Variants in ZPBP observed in about 807,000 individuals in gnomAD.
The protein encoded by ZPBP is zona pellucida binding protein.
In ZPBP, 26 loss-of-function variants were observed where a neutral mutation model predicts 44.8. The observed-to-expected ratio is 0.58, with a 90% CI of 0.43 to 0.81. ZPBP has a LOEUF of 0.81. Ranked by LOEUF, ZPBP falls within the 30% of genes least tolerant of loss-of-function variation. The pLI, the probability that ZPBP is intolerant of heterozygous loss-of-function variation, is 0.00. For missense variants in ZPBP, 409 were observed against 434.0 expected, an observed-to-expected ratio of 0.94 and a Z score of 0.51; for synonymous variants, 174 against 153.2, an observed-to-expected ratio of 1.14 and a Z score of -1.00.
At chr7:50,016,016 G>C (rs564835748) in intron 6 of ZPBP, among the ~76,000 whole-genome samples, 1 of 152,120 alleles carries the variant, frequency 6.6e-6, no homozygotes, top group South Asian at 2.1e-4. Context: ...ATTTCACAAA[G>C]AAATTAAAAC....
intron 2 of ZPBP, among the ~76,000 whole-genome samples, chr7:49,869,807 T>C (rs953875882): frequency 2.0e-5 from 3 of 151,996 alleles, no homozygotes; most frequent in African/African-American, 7.2e-5. Flanking sequence ...ATTTATAAAA[T>C]GTACATATAT....
intron 2 of ZPBP, among the ~76,000 whole-genome samples, chr7:49,880,829 G>A (rs921879548): frequency 2.0e-5 from 3 of 151,938 alleles, no homozygotes; most frequent in Non-Finnish European, 2.9e-5. Context: ...ATTATGCCAC[G>A]GGAAGCTCTT....
chr7:49,893,935 C>T (rs564209327), intron 2 of ZPBP, among the ~76,000 whole-genome samples: 51 of 152,096 alleles, frequency 3.4e-4, no homozygotes, highest in South Asian at 4.1e-4. Context: ...AAATAAAATG[C>T]GTTGCCACAA....
intron 6 of ZPBP, among the ~76,000 whole-genome samples, chr7:50,003,755 G>C (rs1190795433): frequency 1.3e-5 from 2 of 151,934 alleles, no homozygotes; most frequent in Non-Finnish European, 2.9e-5. Context: ...ACAGAGACAA[G>C]GAAAAGTGGC....
intron 5 of ZPBP, among the ~76,000 whole-genome samples, chr7:50,022,188 A>G (rs1584061077): frequency 6.6e-6 from 1 of 152,180 alleles, no homozygotes; most frequent in Non-Finnish European, 1.5e-5. Flanking sequence ...CAAAAAAAGA[A>G]TACTGGCAAA....
chr7:50,086,168 T>C (rs1802637069), intron 2 of ZPBP, among the ~76,000 whole-genome samples: 1 of 152,116 alleles, frequency 6.6e-6, no homozygotes, highest in Non-Finnish European at 1.5e-5. Flanking sequence ...ACACAGTTAG[T>C]TCAGAAACTC....
In ZPBP at chr7:49,983,526, C is replaced by T. The variant is rs988392; in HGVS notation, c.784-7G>A. ...TCTCTATGAGATTTTTAGCCTAAAA[C>T]ATAAATACAATTTGATAAACTGTTA... On this transcript the variant is annotated splice_polypyrimidine_tract_variant and splice_region_variant and intron_variant, in intron 6 of 7. Coordinates refer to ENST00000046087, the MANE Select transcript of ZPBP (RefSeq NM_007009.3). 1,236,563 of 1,551,362 alleles carry T rather than the reference C, an allele frequency of 0.8. 494,480 individuals carry two copies. Among genetic ancestry groups the T allele is most frequent in the East Asian group, 0.89 (39,234 of 44,270 alleles).
chr7:50,090,971 T>C (rs1189712242), intron 1 of ZPBP, among the ~76,000 whole-genome samples: 1 of 152,028 alleles, frequency 6.6e-6, no homozygotes, highest in Non-Finnish European at 1.5e-5. Context: ...CACACCAACA[T>C]CTATTTTTTT....
intron 7 of ZPBP, among the ~76,000 whole-genome samples, chr7:49,938,051 G>A (rs199641527): frequency 7.9e-5 from 12 of 152,180 alleles, no homozygotes; most frequent in East Asian, 7.7e-4. Flanking sequence ...TCACTTGCCC[G>A]CCACTCACCT....
chr7:49,902,700 T>C (rs78276963), intron 1 of ZPBP, among the ~76,000 whole-genome samples: 2,105 of 152,178 alleles, frequency 0.014, 63 homozygotes, highest in African/African-American at 0.048. Flanking sequence ...GTAGGGCTTC[T>C]TGATGAGTTG....
At chr7:49,897,665 A>G (rs571077965) in intron 2 of ZPBP, among the ~76,000 whole-genome samples, 1 of 152,350 alleles carries the variant, frequency 6.6e-6, no homozygotes, top group Admixed American at 6.5e-5. Flanking sequence ...GTAGGCAAAT[A>G]CAGAAAATCA....
At chr7:50,004,797 G>A (rs1285813465) in intron 6 of ZPBP, among the ~76,000 whole-genome samples, 2 of 151,930 alleles carry the variant, frequency 1.3e-5, no homozygotes, top group Non-Finnish European at 2.9e-5. Flanking sequence ...GAACCTAAGC[G>A]ATATGTGAGA....
chr7:49,873,079 T>C (rs1791243977), intron 2 of ZPBP, among the ~76,000 whole-genome samples: 1 of 151,988 alleles, frequency 6.6e-6, no homozygotes, highest in African/African-American at 2.4e-5. Context: ...CCTTAGTAGT[T>C]TTCAGGGAAC....
rs557048767 is a variant in ZPBP at position 50,079,482 on chromosome 7, T to C, written c.334+2292A>G. On this transcript the variant is annotated intron_variant, in intron 3 of 7. Transcript: ENST00000046087. Reference sequence around the variant, plus strand: ...GTGGAATCTAAAAAAGTCACACTAATACTCATACAAAAGTCACATTCACAC... The same window carrying C: ...GTGGAATCTAAAAAAGTCACACTAACACTCATACAAAAGTCACATTCACAC... Among the ~76,000 whole-genome samples the C allele has an allele frequency of 2.0e-5, 3 of 151,738 alleles. No individual in the cohort carries two copies. In the South Asian group the frequency reaches 6.2e-4, roughly 31 times the overall value.
intron 4 of ZPBP, among the ~76,000 whole-genome samples, chr7:50,046,267 C>T (rs891510695): frequency 1.3e-5 from 2 of 152,168 alleles, no homozygotes; most frequent in African/African-American, 4.8e-5. Flanking sequence ...ACACCAACAG[C>T]AATGGCAACA....
At chr7:49,908,455 T>C (rs373573742) in intron 1 of ZPBP, among the ~76,000 whole-genome samples, 7 of 152,138 alleles carry the variant, frequency 4.6e-5, no homozygotes, top group Admixed American at 2.6e-4. Flanking sequence ...TAAGTAAATA[T>C]GTTAAAATGT....
chr7:49,875,990 A>G (rs1791399387), intron 2 of ZPBP, among the ~76,000 whole-genome samples: 1 of 152,162 alleles, frequency 6.6e-6, no homozygotes, highest in South Asian at 2.1e-4. Flanking sequence ...TGGCACACTT[A>G]TTCTGTACTG....
chr7:50,086,045 AC>A (rs1176263818), intron 2 of ZPBP, among the ~76,000 whole-genome samples: 1 of 152,154 alleles, frequency 6.6e-6, no homozygotes, highest in Non-Finnish European at 1.5e-5. Flanking sequence ...CTCAGCAAAG[AC>A]TAGGAGACTA....
rs577438020 is a variant in ZPBP at position 50,042,558 on chromosome 7, C to T, written c.488-11248G>A. Among the ~76,000 whole-genome samples, 6 of 152,248 alleles carry T rather than the reference C, an allele frequency of 3.9e-5. No individual in the cohort carries two copies. In the South Asian group the frequency reaches 1.2e-3, roughly 32 times the overall value. On this transcript the variant is annotated intron_variant, in intron 4 of 7. Coordinates refer to ENST00000046087, the MANE Select transcript of ZPBP (RefSeq NM_007009.3). The stretch of plus-strand genomic sequence containing the variant: ...ATTATTCAACCCAAAATTTCATATC[C>T]AGGCAAACTAAGCTTCATAAGTGAA...
Sources: gnomAD v4.1 joint callset for allele counts (sites outside exome capture counted in the v4.1 genomes callset) on GRCh38, gnomAD v4.1.1 for gene constraint, MANE v1.5 for transcripts, NCBI Gene and HGNC (gene_info 2026-07-23, HGNC 2026-07-21) for gene names.